Variants in ESPN observed in about 807,000 individuals in gnomAD.
The protein encoded by ESPN is espin.
Under a neutral mutation model 77.7 loss-of-function variants are expected in ESPN, and 68 were observed. That is an observed-to-expected ratio of 0.87 (90% CI 0.72 to 1.07). The LOEUF (loss-of-function observed/expected upper bound fraction) is 1.07. ESPN is among the 50% of genes least tolerant of loss of function. The pLI is 0.00. For missense variants in ESPN, 1,060 were observed against 1,239.0 expected (o/e 0.86, Z 2.17); for synonymous variants, 449 against 567.1 (o/e 0.79, Z 2.96).
At position 6,450,765 on chromosome 1, in the gene ESPN, T is replaced by C. The variant is rs1643930462; in HGVS notation, c.1916-838T>C. 6.7e-6 allele frequency among the ~76,000 whole-genome samples: 1 copy of C among 148,438 alleles called. No homozygotes were observed. Among genetic ancestry groups the C allele is most frequent in the Non-Finnish European group, 1.5e-5 (1 of 66,686 alleles). On this transcript the variant is annotated intron_variant, in intron 8 of 12. Coordinates refer to ENST00000645284, the MANE Select transcript of ESPN (RefSeq NM_031475.3). This position sits in a 1 kb window ranked among gnomAD's most constrained non-coding sequence, Gnocchi z 4.3. ...CCCCACCACCCCCACCCGCTGTGACTGCATTCTGGGATCCCCAGCCTGGGA... is the reference window on the plus strand; with the variant it reads ...CCCCACCACCCCCACCCGCTGTGACCGCATTCTGGGATCCCCAGCCTGGGA...
chr1:6,455,932 G>T (rs1349417646), intron 10 of ESPN: 2 of 398,746 alleles, frequency 5.0e-6, no homozygotes, highest in Non-Finnish European at 8.9e-6. Context: ...GAACAGGAGC[G>T]GACCGAAGAG....
chr1:6,452,556 T>C (rs1643968468), intron 10 of ESPN, among the ~76,000 whole-genome samples: 1 of 152,178 alleles, frequency 6.6e-6, no homozygotes, highest in Non-Finnish European at 1.5e-5. Context: ...ACAGCAGCCT[T>C]TCTCAGACTC....
At position 6,451,660 on chromosome 1, in the gene ESPN, A is replaced by C. The variant is rs868050200; in HGVS notation, c.1973A>C (p.Glu658Ala). ...GGCGACAACTCGGAGCTACTGGCTG[A>C]GATTAAGGCAGGCAAGAGCCTGAAG... ...PTGDNSELLA[E>A]IKAGKSLKPT... is the part of the protein sequence containing the mutation. Residue 658 changes from glutamate (E) to alanine (A), a missense_variant, in exon 9 of 13, where the codon GAG becomes GCG. Transcript: ENST00000645284. This position sits in a 1 kb window ranked among gnomAD's most constrained non-coding sequence, Gnocchi z 4.3. 1 of 1,613,296 alleles carries C rather than the reference A, an allele frequency of 6.2e-7. No individual in the cohort carries two copies. The highest frequency in any genetic ancestry group is 1.3e-5 in the African/African-American group (1 of 75,060).
At chr1:6,455,617 C>G (rs1284579814) in intron 10 of ESPN, 46 of 399,204 alleles carry the variant, frequency 1.2e-4, no homozygotes, top group Admixed American at 5.3e-4. Flanking sequence ...GGCGCACCCC[C>G]GCACTACGAC....
intron 2 of ESPN, among the ~76,000 whole-genome samples, chr1:6,429,060 G>A (rs1377206628): frequency 6.6e-6 from 1 of 151,710 alleles, no homozygotes; most frequent in Non-Finnish European, 1.5e-5. Flanking sequence ...GTGGGGTGGG[G>A]GGTCACACAG....
intron 7 of ESPN, among the ~76,000 whole-genome samples, chr1:6,446,625 G>T (rs964781219): frequency 6.6e-6 from 1 of 152,184 alleles, no homozygotes; most frequent in Non-Finnish European, 1.5e-5. Flanking sequence ...TGGAGCAGGG[G>T]TTGGGGCAGA....
At chr1:6,425,300 A>T in intron 1 of ESPN, 51 bp downstream of exon 1, 2 of 1,543,754 alleles carry the variant, frequency 1.3e-6, no homozygotes, top group Non-Finnish European at 8.7e-7. Context: ...CTCAGGACAG[A>T]GTCCTGGCCC....
intron 2 of ESPN, among the ~76,000 whole-genome samples, chr1:6,439,933 C>T (rs1179988777): frequency 1.3e-5 from 2 of 152,196 alleles, no homozygotes; most frequent in South Asian, 2.1e-4. Context: ...CGCTTGAACC[C>T]GGGAGGCAGA....
intron 5 of ESPN, 43 bp downstream of exon 5, chr1:6,441,108 C>T (rs1390901516): frequency 1.9e-6 from 3 of 1,594,800 alleles, no homozygotes; most frequent in African/African-American, 2.7e-5. Context: ...TTCTTCTCGC[C>T]CCTCCACCCC....
At chr1:6,453,159 G>T (rs796143971) in intron 10 of ESPN, among the ~76,000 whole-genome samples, 9 of 152,356 alleles carry the variant, frequency 5.9e-5, no homozygotes, top group African/African-American at 1.7e-4. Context: ...CTCCCAAAGT[G>T]CTGGGATTAC....
chr1:6,440,603 C>CACGG, intron 3 of ESPN, 23 bp from the exon 4 acceptor site: 1 of 1,261,254 alleles, frequency 7.9e-7, no homozygotes, highest in Non-Finnish European at 1.1e-6. Context: ...CCCCGCCCCC[C>CACGG]TCTCCCCGCC....
chr1:6,446,120 G>A (rs1643828615), intron 7 of ESPN, among the ~76,000 whole-genome samples, 185 bp downstream of exon 7: 1 of 152,176 alleles, frequency 6.6e-6, no homozygotes, highest in African/African-American at 2.4e-5. Flanking sequence ...GGACTGGGAG[G>A]AGAGTAAGAG....
rs775872563 is a variant in ESPN at position 6,444,547 on chromosome 1, G to T, written c.1057G>T (p.Gly353Cys). 6.2e-6 allele frequency: 10 copies of T among 1,614,230 alleles called. No homozygotes were observed. The highest frequency in any genetic ancestry group is 7.6e-6 in the Non-Finnish European group (9 of 1,180,030). ...AELEAKQPDS[G>C]MSSPNTTVSV... ...GCTGGAGGCTAAGCAGCCGGATTCAGGCATGTCCTCACCCAATACCACGGT... is the reference window on the plus strand; with the variant it reads ...GCTGGAGGCTAAGCAGCCGGATTCATGCATGTCCTCACCCAATACCACGGT... The change falls in exon 6 of 13, where the codon GGC (glycine) becomes TGC (cysteine). Residue 353 changes from glycine to cysteine, a missense_variant. Gly to Cys is a radical substitution (Grantham distance 159). Coordinates refer to ENST00000645284, the MANE Select transcript of ESPN (RefSeq NM_031475.3).
chr1:6,440,916 C>T lies in ESPN; in HGVS notation c.859-18C>T. 1.9e-6 allele frequency: 3 copies of T among 1,557,194 alleles called. No homozygotes were observed. The South Asian group carries it at 3.5e-5, about 18-fold the overall frequency. On this transcript the variant is annotated intron_variant, in intron 4 of 12. Transcript: ENST00000645284. ...CAGCTCGCGGCCGCGGCCGGGTCCT[C>T]ACTGCGTGCCCCCGCAGTGCTGCCA...
Position 6,448,637 on chromosome 1 carries a change from G to C in ESPN, c.1465-4G>C, listed in dbSNP as rs773580471. ...GAGCCCCACCGGTCACTGTCTTCCCGCAGCTGAGCTCCTGTGACGGCCACG... is the reference window on the plus strand; with the variant it reads ...GAGCCCCACCGGTCACTGTCTTCCCCCAGCTGAGCTCCTGTGACGGCCACG... On this transcript the variant is annotated splice_polypyrimidine_tract_variant and splice_region_variant and intron_variant, in intron 7 of 12. Transcript: ENST00000645284. 3.8e-6 allele frequency: 6 copies of C among 1,558,802 alleles called. No homozygotes were observed. Among genetic ancestry groups the C allele is most frequent in the Non-Finnish European group, 5.2e-6 (6 of 1,163,360 alleles).
Position 6,440,362 on chromosome 1 carries a change from G to A in ESPN, c.597G>A (p.Pro199=), listed in dbSNP as rs1557701852. Residue 199 remains proline, a synonymous_variant, in exon 3 of 13, where the codon CCG becomes CCA. Transcript: ENST00000645284. ...QYLVQECGAD[P]HARAHDGMTP... ...TGGTGCAGGAATGCGGCGCAGACCC[G>A]CACGCGCGCGCCCACGACGGCATGA... is the stretch of plus-strand genomic sequence containing the variant. 5 of 1,586,080 alleles carry A rather than the reference G, an allele frequency of 3.2e-6. No individual in the cohort carries two copies. The highest frequency in any genetic ancestry group is 2.3e-5 in the East Asian group (1 of 43,500).
At chr1:6,446,242 A>C (rs1643833601) in intron 7 of ESPN, among the ~76,000 whole-genome samples, 1 of 152,056 alleles carries the variant, frequency 6.6e-6, no homozygotes, top group Admixed American at 6.5e-5. Flanking sequence ...CCGGGTTGTC[A>C]TGGAGTTGAC....
intron 2 of ESPN, among the ~76,000 whole-genome samples, chr1:6,435,980 G>C (rs1643422364): frequency 6.6e-6 from 1 of 152,238 alleles, no homozygotes; most frequent in Non-Finnish European, 1.5e-5. Flanking sequence ...ACAGCTCAAA[G>C]GCACGGGACT....
At chr1:6,456,167 A>G (rs567410656) in intron 10 of ESPN, 1 of 399,148 alleles carries the variant, frequency 2.5e-6, no homozygotes, top group Non-Finnish European at 4.4e-6. Flanking sequence ...CCTTCTGGAA[A>G]GAGAAGGAGG....
Sources: gnomAD v4.1 joint callset for allele counts (sites outside exome capture counted in the v4.1 genomes callset) on GRCh38, gnomAD v4.1.1 for gene constraint, Gnocchi (gnomAD v3.1) non-coding constraint, MANE v1.5 for transcripts, NCBI Gene and HGNC (gene_info 2026-07-23, HGNC 2026-07-21) for gene names.